The following PDZD9 variants were observed in gnomAD, a reference collection of about 807,000 sequenced individuals.
The protein encoded by PDZD9 is PDZ domain-containing protein 9.
Under a neutral mutation model 16.3 loss-of-function variants are expected in PDZD9, and 13 were observed. That is an observed-to-expected ratio of 0.80 (90% CI 0.52 to 1.27). PDZD9 has a LOEUF of 1.27. PDZD9 is among the 50% of genes most tolerant of loss of function. PDZD9 has a pLI of 0.00. For synonymous variants in PDZD9, 120 were observed against 111.0 expected, an observed-to-expected ratio of 1.08 and a Z score of -0.51; for missense variants, 288 against 310.9, an observed-to-expected ratio of 0.93 and a Z score of 0.55.
the PDZD9 span, chr16:21,962,941 C>G: frequency 1.4e-5 from 22 of 1,538,690 alleles, no homozygotes; most frequent in Middle Eastern, 1.8e-4. Context: ...TTTAGAAGAT[C>G]AATTTATAGA....
chr16:21,973,853 T>C, the PDZD9 span: 1 of 1,582,268 alleles, frequency 6.3e-7, no homozygotes, highest in Non-Finnish European at 8.6e-7. Context: ...TGCCCTGTTT[T>C]ACTTGGTAGA....
the PDZD9 span, among the ~76,000 whole-genome samples, chr16:21,966,550 T>A: frequency 6.6e-6 from 1 of 152,162 alleles, no homozygotes. Flanking sequence ...AAATTCAAGG[T>A]TTTTATTCTC....
Position 21,984,225 on chromosome 16 carries a change from T to C in PDZD9, c.*42A>G. ...ACTTGTGCCTGGTGAGGCACAAAACTTGGGTGTCTGCAAGATAAATGCTCA... is the reference window on the plus strand; with the variant it reads ...ACTTGTGCCTGGTGAGGCACAAAACCTGGGTGTCTGCAAGATAAATGCTCA... On this transcript the variant is annotated 3_prime_UTR_variant, in exon 4 of 4. Transcript: ENST00000424898. 1.3e-6 allele frequency: 2 copies of C among 1,560,354 alleles called. No homozygotes were observed. The highest frequency in any genetic ancestry group is 1.7e-6 in the Non-Finnish European group (2 of 1,151,618).
chr16:21,989,184 C>T (rs8046799), intron 2 of PDZD9, among the ~76,000 whole-genome samples: 48 of 151,894 alleles, frequency 3.2e-4, no homozygotes, highest in African/African-American at 1.0e-3. Context: ...CTGTCCACCT[C>T]GGCCTGCCAA....
At position 21,984,311 on chromosome 16, in the gene PDZD9, G is replaced by C; in HGVS notation, c.751C>G (p.Gln251Glu). The change falls in exon 4 of 4, where the codon CAA (glutamine) becomes GAA (glutamate). Residue 251 changes from glutamine to glutamate, a missense_variant. Physicochemically the swap from Gln to Glu is conservative, Grantham distance 29. Transcript: ENST00000424898. ...SDAFWLEDCA[Q>E]VEEGKAQLVS... is the part of the protein sequence containing the mutation. ...AGTTGGGCTTTACCCTCTTCAACTT[G>C]GGCACAATCTTCCAGCCAAAATGCA... The C allele has an allele frequency of 6.2e-7, 1 of 1,613,986 alleles. No homozygotes were observed. The highest frequency in any genetic ancestry group is 1.1e-5 in the South Asian group (1 of 91,038).
At chr16:21,979,274 C>T (rs1157771931), downstream of PDZD9, among the ~76,000 whole-genome samples, 1 of 152,188 alleles carries the variant, frequency 6.6e-6, no homozygotes, top group East Asian at 1.9e-4. Flanking sequence ...TATACACTGT[C>T]CCCAACTTGC....
chr16:21,975,556 T>C, the PDZD9 span, among the ~76,000 whole-genome samples: 1 of 152,168 alleles, frequency 6.6e-6, no homozygotes, highest in Non-Finnish European at 1.5e-5. Context: ...ATTCAACAAA[T>C]ATTTACCAAG....
At chr16:21,982,194 G>T (rs117005983), downstream of PDZD9, among the ~76,000 whole-genome samples, 3 of 151,820 alleles carry the variant, frequency 2.0e-5, no homozygotes, top group African/African-American at 7.3e-5. Context: ...CATTATGTGC[G>T]TCCCAACCCG....
chr16:21,978,531 A>G, the PDZD9 span, among the ~76,000 whole-genome samples: 1 of 152,108 alleles, frequency 6.6e-6, no homozygotes, highest in African/African-American at 2.4e-5. Context: ...TGCCTTTTCC[A>G]TCATACCCTA....
At chr16:21,967,890 TTATA>T in the PDZD9 span, among the ~76,000 whole-genome samples, 3 of 152,302 alleles carry the variant, frequency 2.0e-5, no homozygotes, top group Admixed American at 6.5e-5. Flanking sequence ...TCATTACTAC[TTATA>T]TAAACACAAA....
intron 3 of PDZD9, among the ~76,000 whole-genome samples, chr16:21,985,022 G>A (rs150341299): frequency 2.6e-5 from 4 of 152,264 alleles, no homozygotes; most frequent in East Asian, 1.9e-4. Context: ...TGTGGCTCAC[G>A]TGGCATTAAC....
At chr16:21,970,064 G>A in the PDZD9 span, among the ~76,000 whole-genome samples, 1 of 151,984 alleles carries the variant, frequency 6.6e-6, no homozygotes, top group African/African-American at 2.4e-5. Flanking sequence ...GGAGTCATAC[G>A]ATATGTGGCC....
intron 2 of PDZD9, among the ~76,000 whole-genome samples, chr16:21,994,088 G>A (rs1406837372): frequency 6.6e-6 from 1 of 152,118 alleles, no homozygotes; most frequent in African/African-American, 2.4e-5. Context: ...CCCAGCTACT[G>A]AGGAGGCTGA....
chr16:21,973,793 G>A, the PDZD9 span: 2 of 953,452 alleles, frequency 2.1e-6, no homozygotes, highest in Non-Finnish European at 3.3e-6. Context: ...AATCTATTTT[G>A]TTTATACCGT....
chr16:21,961,368 A>C, the PDZD9 span: 1 of 440,502 alleles, frequency 2.3e-6, no homozygotes, highest in South Asian at 1.6e-5. Flanking sequence ...TGAGACCACT[A>C]TACAGCCATT....
the PDZD9 span, among the ~76,000 whole-genome samples, chr16:21,972,908 T>C: frequency 2.0e-5 from 3 of 152,212 alleles, no homozygotes. Context: ...AAGACCATCC[T>C]GGCTAACACA....
chr16:21,972,973 G>T, the PDZD9 span, among the ~76,000 whole-genome samples: 1 of 152,176 alleles, frequency 6.6e-6, no homozygotes, highest in Admixed American at 6.5e-5. Context: ...GGTGGCGCAC[G>T]CCTGTAGTCC....
downstream of PDZD9, among the ~76,000 whole-genome samples, chr16:21,981,086 T>C (rs926261047): frequency 6.6e-6 from 1 of 152,224 alleles, no homozygotes; most frequent in Non-Finnish European, 1.5e-5. Flanking sequence ...ATTAGCAGTT[T>C]CATATGATCC....
downstream of PDZD9, among the ~76,000 whole-genome samples, chr16:21,979,060 T>C (rs529669913): frequency 5.2e-4 from 79 of 152,148 alleles, no homozygotes; most frequent in Non-Finnish European, 9.4e-4. Context: ...GTATCCTCCA[T>C]CCAAGAAGAG....
Sources: gnomAD v4.1 joint callset for allele counts (sites outside exome capture counted in the v4.1 genomes callset) on GRCh38, gnomAD v4.1.1 for gene constraint, MANE v1.5 for transcripts, NCBI Gene and HGNC (gene_info 2026-07-23, HGNC 2026-07-21) for gene names.